Variants in CUBN observed in about 807,000 individuals in gnomAD.
CUBN encodes 460 kDa receptor.
In CUBN, 282 loss-of-function variants were observed where a neutral mutation model predicts 405.3. That is an observed-to-expected ratio of 0.70 (90% CI 0.63 to 0.77). The LOEUF (loss-of-function observed/expected upper bound fraction) is 0.77. Ranked by LOEUF, CUBN falls within the 30% of genes least tolerant of loss-of-function variation. The pLI is 0.00. For missense variants in CUBN, 4,514 were observed against 4,475.2 expected, an observed-to-expected ratio of 1.01 and a Z score of -0.25; for synonymous variants, 1,684 against 1,617.0, an observed-to-expected ratio of 1.04 and a Z score of -0.99.
Position 17,084,382 on chromosome 10 carries a change from G to T in CUBN, c.2190C>A (p.His730Gln). 1 of 1,614,112 alleles carries T rather than the reference G, an allele frequency of 6.2e-7. No homozygotes were observed. The highest frequency in any genetic ancestry group is 1.7e-5 in the Admixed American group (1 of 60,016). ...FLPELSGPFT[H>Q]TRQCVYMMKQ... ...TCATCATATAGACGCATTGCCTGGT[G>T]TGAGTGAAAGGCCCAGACAACTCAG... Residue 730 changes from histidine (H) to glutamine (Q), a missense_variant, in exon 17 of 67, where the codon CAC becomes CAA. Around this residue, in one of 5 missense-constraint regions of CUBN, gnomAD observed 1,448 missense variants for 1,388.0 expected, o/e 1.04. Coordinates refer to ENST00000377833, the MANE Select transcript of CUBN (RefSeq NM_001081.4).
chr10:16,915,247 G>A (rs1240153680), intron 46 of CUBN, 75 bp from the exon 47 acceptor site: 2 of 1,574,624 alleles, frequency 1.3e-6, no homozygotes, highest in Non-Finnish European at 1.7e-6. Context: ...GGTGTCCTGT[G>A]TGTACAAAGA....
rs1209801813 is a variant in CUBN at position 17,067,692 on chromosome 10, A to C, written c.3008+372T>G. Among the ~76,000 whole-genome samples, 7 of 152,328 alleles carry C rather than the reference A, an allele frequency of 4.6e-5. No individual in the cohort carries two copies. The East Asian group carries it at 1.3e-3, about 29-fold the overall frequency. On this transcript the variant is annotated intron_variant, in intron 21 of 66. Coordinates refer to ENST00000377833, the MANE Select transcript of CUBN (RefSeq NM_001081.4). ...ATTGAGGAAAGTCAGAAAAACATTC[A>C]GTACGTATAGTATGATTCCATTTAG...
rs541335017 is a variant in CUBN, at chr10:16,990,385, G to A, written c.4299C>T (p.Ile1433=). 12 of 1,614,036 alleles carry A rather than the reference G, an allele frequency of 7.4e-6. No homozygotes were observed. The highest frequency in any genetic ancestry group is 3.3e-4 in the Middle Eastern group (2 of 6,084). ...TDPGSSIQLT[I]HDFDVEYHSR... is the part of the protein sequence containing the mutation. ...AATGATACTCCACATCGAAGTCATGGATGGTGAGCTGAATGCTACTCCCGG... is the reference window on the plus strand; with the variant it reads ...AATGATACTCCACATCGAAGTCATGAATGGTGAGCTGAATGCTACTCCCGG... The change falls in exon 29 of 67, where the codon ATC becomes ATT. Residue 1433 remains isoleucine (I), a synonymous_variant. Coordinates refer to ENST00000377833, the MANE Select transcript of CUBN (RefSeq NM_001081.4).
intron 54 of CUBN, among the ~76,000 whole-genome samples, chr10:16,891,216 G>C (rs770636234): frequency 1.3e-5 from 2 of 152,088 alleles, no homozygotes; most frequent in Non-Finnish European, 2.9e-5. Context: ...GAAATAAACG[G>C]TGAGCACCAA....
At chr10:16,835,335 G>C in intron 63 of CUBN, 140 bp from the exon 64 acceptor site, 1 of 777,308 alleles carries the variant, frequency 1.3e-6, no homozygotes. Context: ...TTACCTTTGA[G>C]ATAATTGAGA....
chr10:17,030,829 G>A (rs139474375), intron 27 of CUBN, among the ~76,000 whole-genome samples: 4,336 of 152,112 alleles, frequency 0.029, 174 homozygotes, highest in African/African-American at 0.089. Context: ...TGAGGCAGGA[G>A]AATCATTGGA....
intron 22 of CUBN, among the ~76,000 whole-genome samples, chr10:17,062,337 T>C (rs1379003786): frequency 6.6e-6 from 1 of 152,212 alleles, no homozygotes; most frequent in Non-Finnish European, 1.5e-5. Context: ...ACTTTTAAAG[T>C]TCCCTCTTAG....
chr10:16,868,942 T>C (rs1840267312), intron 59 of CUBN, among the ~76,000 whole-genome samples: 1 of 152,136 alleles, frequency 6.6e-6, no homozygotes, highest in African/African-American at 2.4e-5. Context: ...CTATAGAAAG[T>C]CATCCTCAAT....
intron 59 of CUBN, among the ~76,000 whole-genome samples, chr10:16,852,107 C>T (rs1336292612): frequency 1.7e-5 from 2 of 119,456 alleles, no homozygotes; most frequent in African/African-American, 6.4e-5. Flanking sequence ...ATCTTTCCCT[C>T]CCTCCCTCCA....
rs763764895 is a variant in CUBN at position 16,918,751 on chromosome 10, G to A, written c.6871C>T (p.Pro2291Ser). 1.9e-6 allele frequency: 3 copies of A among 1,613,802 alleles called. No individual in the cohort carries two copies. Among genetic ancestry groups the A allele is most frequent in the African/African-American group, 2.7e-5 (2 of 74,880 alleles). The part of the protein sequence containing the change: ...ELRDGVDSDA[P>S]ILSKFCGTSL... ...GTCCCACAAAATTTGGAAAGTATTG[G>A]TGCATCCGAATCCACTCCATCCCGC... The change falls in exon 45 of 67, where the codon CCA (proline) becomes TCA (serine). Residue 2291 changes from proline to serine, a missense_variant. Coordinates refer to ENST00000377833, the MANE Select transcript of CUBN (RefSeq NM_001081.4).
intron 27 of CUBN, among the ~76,000 whole-genome samples, chr10:17,040,561 T>C (rs954503702): frequency 5.3e-5 from 8 of 152,134 alleles, no homozygotes; most frequent in Non-Finnish European, 1.2e-4. Flanking sequence ...CTAGTGGTCA[T>C]GATTATAACA....
intron 21 of CUBN, 80 bp from the exon 22 acceptor site, chr10:17,065,718 T>G: frequency 6.6e-7 from 1 of 1,514,816 alleles, no homozygotes. Flanking sequence ...TTTGGACATG[T>G]AAATATAATA....
chr10:16,848,177 C>T (rs1839575857), intron 60 of CUBN, among the ~76,000 whole-genome samples: 1 of 152,142 alleles, frequency 6.6e-6, no homozygotes, highest in South Asian at 2.1e-4. Context: ...GAAATTCAGA[C>T]AATGACAGGC....
rs776953063 is a variant in CUBN at position 16,933,274 on chromosome 10, A to G, written c.5937T>C (p.Gly1979=). The part of the protein sequence containing the change: ...VLPTIAPGAC[G]GFLRTGDAPV... ...GTGCATCTCCCGTCCTCAGGAAGCC[A>G]CCACAAGCACCTGTAGAATAGAAAG... The change falls in exon 40 of 67, where the codon GGT becomes GGC. Residue 1979 remains glycine (G), a synonymous_variant. Transcript: ENST00000377833. The G allele has an allele frequency of 6.2e-7, 1 of 1,613,576 alleles. No individual in the cohort carries two copies. Among genetic ancestry groups the G allele is most frequent in the Non-Finnish European group, 8.5e-7 (1 of 1,179,980 alleles).
chr10:16,841,041 C>T lies in CUBN; in HGVS notation c.9670G>A (p.Asp3224Asn), dbSNP rs1839332827. The change falls in exon 61 of 67, where the codon GAT becomes AAT. Residue 3224 changes from aspartate (D) to asparagine (N), a missense_variant. Transcript: ENST00000377833. ...AAGTTCGCATTTTCACTATCCCCAT[C>T]ATATAACTGAGAAGAAAAACAATTC... is the stretch of plus-strand genomic sequence containing the variant. ...RCLYDYVKLY[D>N]GDSENANLAG... 6.2e-7 allele frequency: 1 copy of T among 1,613,980 alleles called. No individual in the cohort carries two copies. Among genetic ancestry groups the T allele is most frequent in the East Asian group, 2.2e-5 (1 of 44,876 alleles).
chr10:16,872,033 T>A (rs1014600978), intron 58 of CUBN, among the ~76,000 whole-genome samples: 4 of 152,100 alleles, frequency 2.6e-5, no homozygotes, highest in Non-Finnish European at 4.4e-5. Flanking sequence ...AAGACCAGCC[T>A]GGCCAACATG....
intron 28 of CUBN, among the ~76,000 whole-genome samples, chr10:17,013,477 C>T (rs374477650): frequency 1.6e-4 from 25 of 152,182 alleles, no homozygotes; most frequent in African/African-American, 5.3e-4. Context: ...TTCCCTGCCT[C>T]TGCCAGCCAC....
At chr10:17,069,514 T>C (rs1188673862) in intron 19 of CUBN, among the ~76,000 whole-genome samples, 1 of 152,176 alleles carries the variant, frequency 6.6e-6, no homozygotes, top group Non-Finnish European at 1.5e-5. Context: ...CTTTTTATTA[T>C]AGCTATCCTA....
chr10:16,845,719 T>C (rs75710900), intron 60 of CUBN, among the ~76,000 whole-genome samples: 4 of 152,208 alleles, frequency 2.6e-5, no homozygotes, highest in Non-Finnish European at 5.9e-5. Flanking sequence ...GAATAGTAGG[T>C]ACGACCTCAT....
Sources: gnomAD v4.1 joint callset for allele counts (sites outside exome capture counted in the v4.1 genomes callset) on GRCh38, gnomAD v4.1.1 for gene constraint, gnomAD v4.1.1 regional missense constraint, MANE v1.5 for transcripts, NCBI Gene and HGNC (gene_info 2026-07-23, HGNC 2026-07-21) for gene names.